RANBP2: variants seen among roughly 807,000 people sequenced by gnomAD.
RANBP2 encodes the protein E3 SUMO-protein ligase RanBP2.
A neutral mutation model predicts 303.6 loss-of-function variants in RANBP2; 57 were observed. The observed-to-expected ratio is 0.19, with a 90% CI of 0.15 to 0.23. RANBP2 has a LOEUF of 0.23. RANBP2 is among the 10% of genes least tolerant of loss of function. The pLI, the probability that RANBP2 is intolerant of heterozygous loss-of-function variation, is 1.00. For missense variants in RANBP2, 3,138 were observed against 3,780.8 expected (o/e 0.83, Z 4.46); for synonymous variants, 1,167 against 1,301.5 (o/e 0.90, Z 2.23).
At chr2:108,780,359 A>T (rs1203402948) in intron 25 of RANBP2, among the ~76,000 whole-genome samples, 61 of 111,722 alleles carry the variant, frequency 5.5e-4, no homozygotes, top group African/African-American at 2.0e-3. Flanking sequence ...CGCCCGGCTA[A>T]TTTTTTTTTT....
chr2:109,395,438 G>T, the RANBP2 span, among the ~76,000 whole-genome samples: 1 of 152,188 alleles, frequency 6.6e-6, no homozygotes, highest in African/African-American at 2.4e-5. Context: ...CGCCTGCCTG[G>T]CTGCTGCAGG....
chr2:109,332,338 G>A, the RANBP2 span, among the ~76,000 whole-genome samples: 1 of 152,058 alleles, frequency 6.6e-6, no homozygotes, highest in Non-Finnish European at 1.5e-5. Flanking sequence ...TGAGAGTTGC[G>A]CCCAGGGGTG....
chr2:109,397,708 C>G, the RANBP2 span, among the ~76,000 whole-genome samples: 66 of 152,310 alleles, frequency 4.3e-4, no homozygotes, highest in African/African-American at 1.4e-3. Flanking sequence ...GGACCTTCCC[C>G]CAGTGGGTGT....
the RANBP2 span, chr2:109,313,748 G>C: frequency 6.5e-6 from 1 of 155,002 alleles, no homozygotes; most frequent in Non-Finnish European, 1.5e-5. Flanking sequence ...AGGTGCTTCC[G>C]GTTTCTTTGT....
the RANBP2 span, among the ~76,000 whole-genome samples, chr2:109,369,108 G>T: frequency 6.6e-6 from 1 of 152,090 alleles, no homozygotes; most frequent in Admixed American, 6.5e-5. Flanking sequence ...ACTTTGGGAG[G>T]CCGAGGTGGG....
the RANBP2 span, among the ~76,000 whole-genome samples, chr2:108,850,930 G>A: frequency 2.0e-5 from 3 of 151,976 alleles, no homozygotes; most frequent in African/African-American, 7.3e-5. Context: ...CTTCTGACAC[G>A]ATCCACCTGG....
chr2:108,960,971 T>C, the RANBP2 span, among the ~76,000 whole-genome samples: 14 of 152,180 alleles, frequency 9.2e-5, no homozygotes, highest in African/African-American at 3.4e-4. Context: ...ACAACGTACA[T>C]AAAAGACACA....
At chr2:109,724,501 C>T in the RANBP2 span, among the ~76,000 whole-genome samples, 1 of 152,080 alleles carries the variant, frequency 6.6e-6, no homozygotes, top group African/African-American at 2.4e-5. Flanking sequence ...TTATTGGACA[C>T]AGTTATTTCA....
At chr2:108,946,894 A>ATT in the RANBP2 span, among the ~76,000 whole-genome samples, 42 of 151,580 alleles carry the variant, frequency 2.8e-4, no homozygotes, top group East Asian at 3.6e-3. Context: ...CCCAAATCTC[A>ATT]TCTTTTTTTT....
the RANBP2 span, among the ~76,000 whole-genome samples, chr2:109,056,024 C>T: frequency 6.6e-6 from 1 of 152,204 alleles, no homozygotes; most frequent in South Asian, 2.1e-4. Flanking sequence ...TCCCAAAGTG[C>T]TGGGATTACA....
At chr2:108,789,082 A>T (rs1436698758), downstream of RANBP2, 4 of 954,746 alleles carry the variant, frequency 4.2e-6, no homozygotes, top group Non-Finnish European at 6.3e-6. Context: ...GAGGACAAGT[A>T]TAAGGCAGTC....
the RANBP2 span, among the ~76,000 whole-genome samples, chr2:109,262,433 C>T: frequency 6.6e-6 from 1 of 152,202 alleles, no homozygotes; most frequent in African/African-American, 2.4e-5. Context: ...GGGAACCTCT[C>T]ATGGTGCCTG....
At chr2:109,133,654 A>G in the RANBP2 span, among the ~76,000 whole-genome samples, 20 of 151,630 alleles carry the variant, frequency 1.3e-4, no homozygotes, top group Non-Finnish European at 2.2e-4. Context: ...TCTCATTTAC[A>G]CCTGATTTGA....
At chr2:109,280,002 G>A in the RANBP2 span, among the ~76,000 whole-genome samples, 13 of 152,174 alleles carry the variant, frequency 8.5e-5, no homozygotes, top group Non-Finnish European at 1.6e-4. Context: ...CTTAGGCTGT[G>A]CTGCCCCAGG....
chr2:108,930,670 A>G, the RANBP2 span, among the ~76,000 whole-genome samples: 2 of 152,142 alleles, frequency 1.3e-5, no homozygotes, highest in Non-Finnish European at 2.9e-5. Context: ...CGCGGCCCCC[A>G]AGCATGAGCT....
the RANBP2 span, among the ~76,000 whole-genome samples, chr2:109,639,898 A>ATAGG: frequency 6.6e-6 from 1 of 151,436 alleles, no homozygotes; most frequent in African/African-American, 2.4e-5. Context: ...TTTAGTAGAG[A>ATAGG]TAGGGTTTCA....
chr2:109,335,610 T>C, the RANBP2 span, among the ~76,000 whole-genome samples: 1 of 152,098 alleles, frequency 6.6e-6, no homozygotes, highest in Non-Finnish European at 1.5e-5. Flanking sequence ...AACCACTTTC[T>C]GACATTCTCT....
the RANBP2 span, among the ~76,000 whole-genome samples, chr2:109,320,079 A>G: frequency 6.6e-6 from 1 of 152,082 alleles, no homozygotes; most frequent in Admixed American, 6.6e-5. Flanking sequence ...GTGGCCTCTT[A>G]TGGTCCCTTC....
At chr2:108,927,144 C>T in the RANBP2 span, among the ~76,000 whole-genome samples, 3 of 152,196 alleles carry the variant, frequency 2.0e-5, no homozygotes, top group Non-Finnish European at 4.4e-5. Context: ...ATCGTCTGCA[C>T]CCCTGCGGAG....
Sources: gnomAD v4.1 joint callset for allele counts (sites outside exome capture counted in the v4.1 genomes callset) on GRCh38, gnomAD v4.1.1 for gene constraint, MANE v1.5 for transcripts, NCBI Gene and HGNC (gene_info 2026-07-23, HGNC 2026-07-21) for gene names.